The following SPTLC1 variants were observed in gnomAD, a reference collection of about 807,000 sequenced individuals.
The protein encoded by SPTLC1 is serine palmitoyltransferase long chain base subunit 1.
Under a neutral mutation model 68.9 loss-of-function variants are expected in SPTLC1, and 55 were observed. The observed-to-expected ratio is 0.80, with a 90% CI of 0.64 to 1.00. The LOEUF is 1.00. Ranked by LOEUF, SPTLC1 falls within the 50% of genes least tolerant of loss-of-function variation. SPTLC1 has a pLI of 0.00. For synonymous variants in SPTLC1, 197 were observed against 201.6 expected, an observed-to-expected ratio of 0.98 and a Z score of 0.19; for missense variants, 449 against 573.1, an observed-to-expected ratio of 0.78 and a Z score of 2.21.
intron 3 of SPTLC1, chr9:92,104,842 G>C: frequency 6.5e-7 from 1 of 1,530,734 alleles, no homozygotes. Context: ...TCCACCTCAA[G>C]AGCTTGACAG....
rs547405467 is a variant in SPTLC1, at chr9:92,087,656, G to A, written c.261-6693C>T. On this transcript the variant is annotated intron_variant, in intron 3 of 14. Transcript: ENST00000262554. ...TGTGAGGTGTCAGTCTGCCCCTACTGGGGGGTGCCTCCCAGTTAGGCTGCT... is the reference window on the plus strand; with the variant it reads ...TGTGAGGTGTCAGTCTGCCCCTACTAGGGGGTGCCTCCCAGTTAGGCTGCT... Among the ~76,000 whole-genome samples the A allele has an allele frequency of 3.3e-5, 5 of 152,254 alleles. No individual in the cohort carries two copies. In the East Asian group the frequency reaches 7.7e-4, roughly 24 times the overall value.
At chr9:92,048,333 C>T (rs980639274) in intron 9 of SPTLC1, among the ~76,000 whole-genome samples, 20 of 152,204 alleles carry the variant, frequency 1.3e-4, no homozygotes, top group African/African-American at 4.8e-4. Flanking sequence ...AAGTTCCATT[C>T]TGGGCACACA....
chr9:92,114,037 GC>G (rs1473878529), intron 1 of SPTLC1, among the ~76,000 whole-genome samples: 1 of 152,106 alleles, frequency 6.6e-6, no homozygotes, highest in Non-Finnish European at 1.5e-5. Flanking sequence ...ACTTTGGGAG[GC>G]CAAAGCAGGA....
At chr9:92,102,382 T>C (rs993594544) in intron 3 of SPTLC1, among the ~76,000 whole-genome samples, 1 of 152,232 alleles carries the variant, frequency 6.6e-6, no homozygotes, top group African/African-American at 2.4e-5. Flanking sequence ...AATTCTACAT[T>C]ACTGAAATTA....
chr9:92,058,419 G>C (rs79750547), intron 7 of SPTLC1, among the ~76,000 whole-genome samples: 7,892 of 147,922 alleles, frequency 0.053, 267 homozygotes, highest in Middle Eastern at 0.066. Context: ...AACTGTGTCT[G>C]AGATGAAGAC....
chr9:92,075,572 T>C (rs1834653950), intron 5 of SPTLC1, among the ~76,000 whole-genome samples: 1 of 152,190 alleles, frequency 6.6e-6, no homozygotes, highest in Admixed American at 6.5e-5. Context: ...CCAGTAGCCT[T>C]TGTATTCAAA....
chr9:92,033,052 C>T (rs574527833), intron 14 of SPTLC1, among the ~76,000 whole-genome samples: 5 of 152,286 alleles, frequency 3.3e-5, no homozygotes, highest in African/African-American at 9.6e-5. Context: ...GTACCTGCTG[C>T]CCACAGTCAC....
intron 11 of SPTLC1, chr9:92,046,401 C>T (rs1420984030): frequency 4.4e-6 from 1 of 227,216 alleles, no homozygotes; most frequent in East Asian, 9.6e-5. Flanking sequence ...AAAAAATCAA[C>T]TATAGTAAAG....
rs143232538 is a variant in SPTLC1, at chr9:92,080,914, C to T, written c.310G>A (p.Ala104Thr). 23 of 1,614,018 alleles carry T rather than the reference C, an allele frequency of 1.4e-5. No individual in the cohort carries two copies. Among genetic ancestry groups the T allele is most frequent in the African/African-American group, 2.7e-5 (2 of 74,922 alleles). The part of the protein sequence containing the change: ...VVNGKECINF[A>T]SFNFLGLLDN... ...AACAATCCAAGAAAATTAAATGAGG[C>T]GAAGTTTATACATTCTTTTCCATTC... The change falls in exon 4 of 15, where the codon GCC becomes ACC. Residue 104 changes from alanine to threonine, a missense_variant. Around this residue, in one of 3 missense-constraint regions of SPTLC1, gnomAD observed 391 missense variants for 472.1 expected, o/e 0.83. Coordinates refer to ENST00000262554, the MANE Select transcript of SPTLC1 (RefSeq NM_006415.4).
chr9:92,065,018 T>C (rs1199506107), intron 6 of SPTLC1, among the ~76,000 whole-genome samples: 4 of 152,362 alleles, frequency 2.6e-5, no homozygotes, highest in Non-Finnish European at 5.9e-5. Flanking sequence ...GTTCTGCATC[T>C]TGACAATGAC....
intron 7 of SPTLC1, 151 bp downstream of exon 7, chr9:92,059,028 T>A: frequency 1.1e-6 from 1 of 942,170 alleles, no homozygotes; most frequent in Non-Finnish European, 1.6e-6. Context: ...GACTTGGCTC[T>A]CCAACACCAA....
intron 2 of SPTLC1, chr9:92,111,334 C>T (rs979742713): frequency 5.3e-5 from 8 of 152,174 alleles, no homozygotes; most frequent in Admixed American, 3.9e-4. Context: ...CCTTCCCTTA[C>T]TTATTACACT....
At chr9:92,052,876 C>A (rs981907200) in intron 8 of SPTLC1, among the ~76,000 whole-genome samples, 16 of 151,826 alleles carry the variant, frequency 1.1e-4, no homozygotes, top group African/African-American at 3.9e-4. Context: ...GCACAAGCAA[C>A]AACAAAACAC....
At chr9:92,038,715 T>C (rs1833239123) in intron 12 of SPTLC1, among the ~76,000 whole-genome samples, 1 of 152,228 alleles carries the variant, frequency 6.6e-6, no homozygotes, top group Non-Finnish European at 1.5e-5. Flanking sequence ...TGTTTGTTCT[T>C]CCCTGTGTTG....
intron 8 of SPTLC1, among the ~76,000 whole-genome samples, chr9:92,052,000 T>A (rs1380726765): frequency 6.6e-6 from 1 of 152,186 alleles, no homozygotes; most frequent in African/African-American, 2.4e-5. Context: ...AGACTTAATA[T>A]CATTAAGATG....
chr9:92,102,875 T>G (rs958297608), intron 3 of SPTLC1, among the ~76,000 whole-genome samples: 3 of 152,174 alleles, frequency 2.0e-5, no homozygotes, highest in African/African-American at 7.2e-5. Context: ...GCCAAATGGT[T>G]TTTCATACAT....
At chr9:92,057,816 G>A (rs182055215) in intron 7 of SPTLC1, among the ~76,000 whole-genome samples, 128 of 152,212 alleles carry the variant, frequency 8.4e-4, no homozygotes, top group Middle Eastern at 3.4e-3. Context: ...CCTGCTCTCA[G>A]CAAGAAAAAT....
chr9:92,032,445 C>T lies in SPTLC1; in HGVS notation c.*20G>A. 1.2e-6 allele frequency: 2 copies of T among 1,614,116 alleles called. No homozygotes were observed. Among genetic ancestry groups the T allele is most frequent in the Non-Finnish European group, 8.5e-7 (1 of 1,180,034 alleles). On this transcript the variant is annotated 3_prime_UTR_variant, in exon 15 of 15. Coordinates refer to ENST00000262554, the MANE Select transcript of SPTLC1 (RefSeq NM_006415.4). The stretch of plus-strand genomic sequence containing the variant: ...TCTCTGCGTGTTGTGTGGCAGGAGG[C>T]CATGGTCCCGGGACTCTGCCTAGAG...
At chr9:92,061,332 A>G (rs373498742) in intron 6 of SPTLC1, among the ~76,000 whole-genome samples, 25 of 152,240 alleles carry the variant, frequency 1.6e-4, no homozygotes, top group Non-Finnish European at 2.8e-4. Flanking sequence ...GACACCAGAA[A>G]AAAAGCATCA....
Sources: allele counts gnomAD v4.1 joint callset (sites outside exome capture counted in the v4.1 genomes callset), GRCh38; gene constraint gnomAD v4.1.1; regional missense constraint gnomAD v4.1.1; transcripts MANE v1.5; gene names NCBI Gene and HGNC (gene_info 2026-07-23, HGNC 2026-07-21).